ZNF875: variants seen among roughly 807,000 people sequenced by gnomAD.
The protein encoded by ZNF875 is zinc finger protein 875.
ZNF875 carries 14 observed loss-of-function variants against 11.2 expected under a neutral mutation model. The ratio of observed to expected loss-of-function variants is 1.26; its 90% confidence interval spans 0.83 to 1.96. The LOEUF is 1.96. Ranked by LOEUF, ZNF875 falls within the 30% of genes most tolerant of loss-of-function variation. The probability of loss-of-function intolerance (pLI) is 0.00; values close to 1 mark genes in which losing one functional copy is unlikely to be tolerated. For missense variants in ZNF875, 752 were observed against 760.4 expected, an observed-to-expected ratio of 0.99 and a Z score of 0.13; for synonymous variants, 301 against 281.1, an observed-to-expected ratio of 1.07 and a Z score of -0.71.
At chr19:37,332,256 C>T (rs2033516970), upstream of ZNF875, among the ~76,000 whole-genome samples, 1 of 149,562 alleles carries the variant, frequency 6.7e-6, no homozygotes, top group East Asian at 2.0e-4. Flanking sequence ...ACGCTGGTTC[C>T]CCGGGTCCCC....
In ZNF875 at chr19:37,364,370, T is replaced by C. The variant is rs188964186; in HGVS notation, c.*595T>C. On this transcript the variant is annotated 3_prime_UTR_variant, in exon 5 of 5. Coordinates refer to ENST00000392153, the MANE Select transcript of ZNF875 (RefSeq NM_001353803.2). ...GAGAGAAATCACCCTGCTGTGGGGG[T>C]TGGGGACCACTCCCTGCATCCCCTC... is the stretch of plus-strand genomic sequence containing the variant. 5.9e-4 allele frequency: 90 copies of C among 152,992 alleles called. No individual in the cohort carries two copies. The highest frequency in any genetic ancestry group is 2.1e-3 in the African/African-American group (87 of 41,510). The allele number at this position is 152,992 out of a possible 1,614,324, so 9.5% of individuals were successfully genotyped here. A position where few individuals can be genotyped will look rare whatever the true frequency, so the allele number is the denominator to read the frequency against.
chr19:37,360,923 T>A (rs2039790397), intron 4 of ZNF875, among the ~76,000 whole-genome samples: 1 of 151,788 alleles, frequency 6.6e-6, no homozygotes, highest in Admixed American at 6.6e-5. Flanking sequence ...TGCTAGTATA[T>A]AGAAATATAA....
chr19:37,356,521 A>G (rs1568641503), intron 4 of ZNF875, among the ~76,000 whole-genome samples: 1 of 151,886 alleles, frequency 6.6e-6, no homozygotes, highest in South Asian at 2.1e-4. Flanking sequence ...TTCTTTTCCC[A>G]TCCTTCACTG....
intron 2 of ZNF875, chr19:37,346,935 C>T (rs950316644): frequency 5.7e-5 from 21 of 371,042 alleles, no homozygotes; most frequent in Middle Eastern, 8.6e-4. Flanking sequence ...GCAATCTCGG[C>T]TTACCGCAAG....
In ZNF875 at chr19:37,363,708, G is replaced by T. The variant is rs367685947; in HGVS notation, c.1856G>T (p.Arg619Ile). ...TCAGGAGAGAAGCCTTATATTTGCAGAAAGTGTGGACGGGGCTTTAGTCGG... is the reference window on the plus strand; with the variant it reads ...TCAGGAGAGAAGCCTTATATTTGCATAAAGTGTGGACGGGGCTTTAGTCGG... ...THSGEKPYIC[R>I]KCGRGFSRKS... The change falls in exon 5 of 5, where the codon AGA becomes ATA. Residue 619 changes from arginine to isoleucine, a missense_variant. By Grantham distance (97) the Arg-to-Ile change is moderately conservative (BLOSUM62 -3). Transcript: ENST00000392153. 14 of 1,613,364 alleles carry T rather than the reference G, an allele frequency of 8.7e-6. No homozygotes were observed. The highest frequency in any genetic ancestry group is 1.6e-4 in the Middle Eastern group (1 of 6,078).
At chr19:37,317,544 A>G (rs1048447694), upstream of ZNF875, among the ~76,000 whole-genome samples, 1 of 152,212 alleles carries the variant, frequency 6.6e-6, no homozygotes, top group Non-Finnish European at 1.5e-5. Flanking sequence ...GGAGGTGGGC[A>G]TTGGCCAGGT....
Position 37,363,859 on chromosome 19 carries a change from G to A in ZNF875, c.*84G>A. On this transcript the variant is annotated 3_prime_UTR_variant, in exon 5 of 5. Transcript: ENST00000392153. ...GACACCAGAGGACACACACAGTGCT[G>A]TGGCTTTTTCAGCCATTGCTAGATA... 1 of 1,217,446 alleles carries A rather than the reference G, an allele frequency of 8.2e-7. No homozygotes were observed. The allele number at this position is 1,217,446 out of a possible 1,614,324, so 75.4% of individuals were successfully genotyped here. A position where few individuals can be genotyped will look rare whatever the true frequency, so the allele number is the denominator to read the frequency against.
intron 4 of ZNF875, among the ~76,000 whole-genome samples, chr19:37,326,664 C>CTTTTTTT (rs35805509): frequency 1.6e-4 from 14 of 88,094 alleles, no homozygotes; most frequent in East Asian, 7.4e-4. Context: ...AATTAGAAAG[C>CTTTTTTT]TTTTTTTTTT....
intron 2 of ZNF875, among the ~76,000 whole-genome samples, chr19:37,322,556 A>G (rs989462006): frequency 4.6e-5 from 7 of 152,146 alleles, no homozygotes; most frequent in African/African-American, 9.7e-5. Flanking sequence ...CTCTGGCTTT[A>G]TTTATTAGCT....
At position 37,362,583 on chromosome 19, in the gene ZNF875, T is replaced by A. The variant is rs1472309163; in HGVS notation, c.731T>A (p.Leu244His). ...GFIKESNLLS[L>H]QKTQTGETPY... ...ATCAAGGAGTCAAACCTCCTTAGCC[T>A]CCAGAAGACACAAACTGGGGAGACA... is the stretch of plus-strand genomic sequence containing the variant. The change falls in exon 5 of 5, where the codon CTC (leucine) becomes CAC (histidine). Residue 244 changes from leucine (L) to histidine (H), a missense_variant. Transcript: ENST00000392153. The A allele has an allele frequency of 6.2e-7, 1 of 1,614,060 alleles. No homozygotes were observed. The highest frequency in any genetic ancestry group is 1.7e-5 in the Admixed American group (1 of 59,998).
upstream of ZNF875, among the ~76,000 whole-genome samples, chr19:37,316,783 C>T (rs2030228102): frequency 1.3e-5 from 2 of 151,830 alleles, no homozygotes; most frequent in Admixed American, 6.6e-5. Context: ...GTGCCTCTGA[C>T]TCCTGAGTAG....
Position 37,363,070 on chromosome 19 carries a change from G to A in ZNF875, c.1218G>A (p.Lys406=). ...AGTGTGAGCAAGGCTTTAGCCAGAA[G>A]TCACACCTCATCAGACACTTAAGGA... ...CRECEQGFSQ[K]SHLIRHLRTH... Residue 406 remains lysine, a synonymous_variant, in exon 5 of 5, where the codon AAG becomes AAA. Coordinates refer to ENST00000392153, the MANE Select transcript of ZNF875 (RefSeq NM_001353803.2). The A allele has an allele frequency of 6.2e-7, 1 of 1,614,072 alleles. No homozygotes were observed. The highest frequency in any genetic ancestry group is 8.5e-7 in the Non-Finnish European group (1 of 1,180,010).
At chr19:37,353,875 A>G (rs952699545) in intron 4 of ZNF875, among the ~76,000 whole-genome samples, 16 of 152,112 alleles carry the variant, frequency 1.1e-4, no homozygotes, top group African/African-American at 3.9e-4. Context: ...TGTTTCTACT[A>G]CTTAAGCATT....
intron 2 of ZNF875, among the ~76,000 whole-genome samples, chr19:37,340,981 T>TA (rs1174465517): frequency 6.6e-6 from 1 of 152,286 alleles, no homozygotes; most frequent in East Asian, 1.9e-4. Flanking sequence ...ATTTACTTTT[T>TA]ATCCACTCAG....
rs750491124 is a variant in ZNF875 at position 37,363,709 on chromosome 19, A to G, written c.1857A>G (p.Arg619=). The G allele has an allele frequency of 1.1e-5, 18 of 1,613,380 alleles. No individual in the cohort carries two copies. The African/African-American group carries it at 2.1e-4, about 19-fold the overall frequency. Residue 619 remains arginine (R), a synonymous_variant, in exon 5 of 5, where the codon AGA becomes AGG. Transcript: ENST00000392153. Reference sequence around the variant, plus strand: ...CAGGAGAGAAGCCTTATATTTGCAGAAAGTGTGGACGGGGCTTTAGTCGGA... The same window carrying G: ...CAGGAGAGAAGCCTTATATTTGCAGGAAGTGTGGACGGGGCTTTAGTCGGA... The part of the protein sequence containing the change: ...THSGEKPYIC[R]KCGRGFSRKS...
intron 1 of ZNF875, among the ~76,000 whole-genome samples, chr19:37,320,276 G>C (rs2031148831): frequency 6.6e-6 from 1 of 152,186 alleles, no homozygotes; most frequent in Non-Finnish European, 1.5e-5. Flanking sequence ...AAAATATAGT[G>C]TTTCCTTCCA....
chr19:37,330,115 AT>A (rs1417572420), upstream of ZNF875, among the ~76,000 whole-genome samples: 4 of 151,756 alleles, frequency 2.6e-5, no homozygotes, highest in Non-Finnish European at 5.9e-5. Context: ...AATAAAGAAT[AT>A]TTTTTCAATT....
Position 37,363,772 on chromosome 19 carries a change from A to G in ZNF875, c.1920A>G (p.Gly640=). The change falls in exon 5 of 5, where the codon GGA becomes GGG. Residue 640 remains glycine, a synonymous_variant. Transcript: ENST00000392153. ...TCAGACATCAGAGGACACACTCAGG[A>G]TAGAAACTTTATGTGTATAGGGAAT... The part of the protein sequence containing the change: ...NLIRHQRTHS[G] The G allele has an allele frequency of 3.1e-6, 5 of 1,613,122 alleles. No individual in the cohort carries two copies. Among genetic ancestry groups the G allele is most frequent in the Non-Finnish European group, 3.4e-6 (4 of 1,179,286 alleles).
At chr19:37,356,463 A>G (rs979294592) in intron 4 of ZNF875, among the ~76,000 whole-genome samples, 1 of 152,142 alleles carries the variant, frequency 6.6e-6, no homozygotes, top group African/African-American at 2.4e-5. Context: ...TAACTTTTTA[A>G]TAATAGCCAT....
Sources: gnomAD v4.1 joint callset for allele counts (sites outside exome capture counted in the v4.1 genomes callset) on GRCh38, gnomAD v4.1.1 for gene constraint, MANE v1.5 for transcripts, NCBI Gene and HGNC (gene_info 2026-07-23, HGNC 2026-07-21) for gene names.